KCNH5: variants seen among roughly 807,000 people sequenced by gnomAD.
The protein encoded by KCNH5 is voltage-gated delayed rectifier potassium channel KCNH5.
A neutral mutation model predicts 96.1 loss-of-function variants in KCNH5; 46 were observed. The observed-to-expected ratio is 0.48, with a 90% CI of 0.38 to 0.61. KCNH5 has a LOEUF of 0.61. Ranked by LOEUF, KCNH5 falls within the 20% of genes least tolerant of loss-of-function variation. The pLI, the probability that KCNH5 is intolerant of heterozygous loss-of-function variation, is 0.00. For missense variants in KCNH5, 907 were observed against 1,225.8 expected, an observed-to-expected ratio of 0.74 and a Z score of 3.88; for synonymous variants, 439 against 449.8, an observed-to-expected ratio of 0.98 and a Z score of 0.30.
chr14:63,015,554 G>C (rs1442587593), intron 2 of KCNH5, among the ~76,000 whole-genome samples: 1 of 151,828 alleles, frequency 6.6e-6, no homozygotes, highest in Non-Finnish European at 1.5e-5. Flanking sequence ...CTTGGCTCAT[G>C]GTAGATGGTA....
chr14:62,824,819 G>A (rs879933014), intron 8 of KCNH5, among the ~76,000 whole-genome samples: 4 of 151,718 alleles, frequency 2.6e-5, no homozygotes, highest in East Asian at 1.9e-4. Context: ...CCATCTTTAC[G>A]TCCATGAGTA....
intron 9 of KCNH5, among the ~76,000 whole-genome samples, chr14:62,799,726 T>TATATATATATATATATATAC (rs1213484157): frequency 8.7e-5 from 6 of 68,660 alleles, no homozygotes; most frequent in Non-Finnish European, 1.7e-4. Flanking sequence ...TATATATATA[T>TATATATATATATATATATAC]ACACACACAC....
chr14:62,957,669 G>A (rs1043245966), intron 6 of KCNH5, among the ~76,000 whole-genome samples: 63 of 152,158 alleles, frequency 4.1e-4, no homozygotes, highest in African/African-American at 1.4e-3. Flanking sequence ...GCCTCAAAAG[G>A]CCTTGCACAC....
At chr14:62,973,076 T>G (rs1338846125) in intron 6 of KCNH5, among the ~76,000 whole-genome samples, 1 of 152,062 alleles carries the variant, frequency 6.6e-6, no homozygotes, top group Non-Finnish European at 1.5e-5. Flanking sequence ...GTGTGGGATT[T>G]CCATAGTGGG....
chr14:62,763,085 T>C (rs768170202), intron 10 of KCNH5, among the ~76,000 whole-genome samples: 3 of 152,120 alleles, frequency 2.0e-5, no homozygotes, highest in Non-Finnish European at 2.9e-5. Flanking sequence ...AACAATAGAA[T>C]ATACAATTCT....
At chr14:62,870,245 C>T (rs1402831603) in intron 7 of KCNH5, among the ~76,000 whole-genome samples, 1 of 152,156 alleles carries the variant, frequency 6.6e-6, no homozygotes, top group Non-Finnish European at 1.5e-5. Flanking sequence ...GGAAACACTT[C>T]TGTAAATATT....
intron 8 of KCNH5, among the ~76,000 whole-genome samples, chr14:62,843,022 C>T (rs569871082): frequency 1.3e-5 from 2 of 152,282 alleles, no homozygotes; most frequent in Admixed American, 6.5e-5. Flanking sequence ...CTTTTACTGG[C>T]AGACTGTGAA....
chr14:63,002,444 A>G (rs1280521622), intron 3 of KCNH5, among the ~76,000 whole-genome samples: 1 of 152,220 alleles, frequency 6.6e-6, no homozygotes, highest in East Asian at 1.9e-4. Flanking sequence ...CACTTTTCTC[A>G]TTATATTCTC....
chr14:62,877,896 G>A (rs1426207926), intron 7 of KCNH5, among the ~76,000 whole-genome samples: 4 of 151,540 alleles, frequency 2.6e-5, no homozygotes, highest in Admixed American at 6.6e-5. Context: ...ACATGCACAC[G>A]TATGTTTATT....
intron 6 of KCNH5, among the ~76,000 whole-genome samples, chr14:62,979,547 T>C (rs1273573335): frequency 1.3e-5 from 2 of 152,088 alleles, no homozygotes; most frequent in African/African-American, 2.4e-5. Context: ...TATTACAATG[T>C]ATTATAATAA....
At chr14:62,856,086 C>T (rs1220667940) in intron 7 of KCNH5, among the ~76,000 whole-genome samples, 3 of 151,974 alleles carry the variant, frequency 2.0e-5, no homozygotes, top group Non-Finnish European at 2.9e-5. Flanking sequence ...AGCATATAAA[C>T]AATATAGTTT....
chr14:62,884,408 T>C (rs1179086315), intron 7 of KCNH5, among the ~76,000 whole-genome samples: 1 of 152,234 alleles, frequency 6.6e-6, no homozygotes, highest in African/African-American at 2.4e-5. Flanking sequence ...GCAGATTGCC[T>C]GGCTTCAGGA....
At chr14:62,779,702 A>G in intron 10 of KCNH5, 26 bp downstream of exon 10, 1 of 1,580,412 alleles carries the variant, frequency 6.3e-7, no homozygotes, top group Non-Finnish European at 8.6e-7. Context: ...GACACTAATA[A>G]GAAAAAGCAG....
At chr14:62,977,609 T>C (rs1017523075) in intron 6 of KCNH5, among the ~76,000 whole-genome samples, 4 of 152,130 alleles carry the variant, frequency 2.6e-5, no homozygotes, top group African/African-American at 9.7e-5. Context: ...AAGAATCCCC[T>C]GAAAAAATTT....
At chr14:62,837,927 A>G (rs1460064011) in intron 8 of KCNH5, among the ~76,000 whole-genome samples, 2 of 152,122 alleles carry the variant, frequency 1.3e-5, no homozygotes, top group Non-Finnish European at 2.9e-5. Flanking sequence ...GGTGGATGTA[A>G]CACTGGGAGT....
At chr14:62,981,561 CT>C (rs1392701027) in intron 5 of KCNH5, among the ~76,000 whole-genome samples, 1 of 152,238 alleles carries the variant, frequency 6.6e-6, no homozygotes, top group Non-Finnish European at 1.5e-5. Flanking sequence ...CTCTGCAAGC[CT>C]GCCTAGAATC....
At position 62,950,499 on chromosome 14, in the gene KCNH5, C is replaced by T. The variant is rs376158544; in HGVS notation, c.1003G>A (p.Ala335Thr). Residue 335 changes from alanine (A) to threonine (T), a missense_variant, in exon 7 of 11, where the codon GCT becomes ACT. By Grantham distance (58) the Ala-to-Thr change is moderately conservative. Around this residue, in one of 6 missense-constraint regions of KCNH5, gnomAD observed 370 missense variants for 561.3 expected, o/e 0.66. Coordinates refer to ENST00000322893, the MANE Select transcript of KCNH5 (RefSeq NM_139318.5). ...VVRLLRLGRV[A>T]RKLDHYLEYG... ...TCTAGGTAATGGTCCAGTTTCCTAG[C>T]CACACGGCCCAGTCGTAAGAGACGC... 92 of 1,609,718 alleles carry T rather than the reference C, an allele frequency of 5.7e-5. No homozygotes were observed. Among genetic ancestry groups the T allele is most frequent in the Non-Finnish European group, 7.6e-5 (90 of 1,179,834 alleles).
intron 9 of KCNH5, 96 bp downstream of exon 9, chr14:62,802,233 A>C (rs576144653): frequency 7.7e-7 from 1 of 1,294,848 alleles, no homozygotes; most frequent in Non-Finnish European, 1.1e-6. Context: ...TTCCAAAGTT[A>C]CCAAACAAAG....
At chr14:62,908,944 T>A (rs771577776) in intron 7 of KCNH5, among the ~76,000 whole-genome samples, 29 of 150,488 alleles carry the variant, frequency 1.9e-4, no homozygotes, top group Non-Finnish European at 3.6e-4. Context: ...TCCAAATGAC[T>A]CTTTGAGCAA....
Sources: allele counts gnomAD v4.1 joint callset (sites outside exome capture counted in the v4.1 genomes callset), GRCh38; gene constraint gnomAD v4.1.1; regional missense constraint gnomAD v4.1.1; transcripts MANE v1.5; gene names NCBI Gene and HGNC (gene_info 2026-07-23, HGNC 2026-07-21).